ALDH9A1: variants seen among roughly 807,000 people sequenced by gnomAD.
The protein encoded by ALDH9A1 is aldehyde dehydrogenase 9 family member A1, also known as 4-trimethylaminobutyraldehyde dehydrogenase.
A neutral mutation model predicts 56.6 loss-of-function variants in ALDH9A1; 42 were observed. The ratio of observed to expected loss-of-function variants is 0.74; its 90% CI spans 0.58 to 0.96. The LOEUF (loss-of-function observed/expected upper bound fraction) is 0.96. Ranked by LOEUF, ALDH9A1 falls within the 40% of genes least tolerant of loss-of-function variation. The pLI, the probability that ALDH9A1 is intolerant of heterozygous loss-of-function variation, is 0.00. For missense variants in ALDH9A1, 661 were observed against 651.5 expected, an observed-to-expected ratio of 1.01 and a Z score of -0.16; for synonymous variants, 242 against 236.0, an observed-to-expected ratio of 1.03 and a Z score of -0.23.
At chr1:165,666,799 A>T (rs970265743) in intron 9 of ALDH9A1, among the ~76,000 whole-genome samples, 8 of 152,224 alleles carry the variant, frequency 5.3e-5, no homozygotes, top group Admixed American at 5.2e-4. Flanking sequence ...TTGTACTCCC[A>T]AATCATTTTT....
intron 2 of ALDH9A1, among the ~76,000 whole-genome samples, chr1:165,688,507 T>C (rs536356104): frequency 6.6e-6 from 1 of 152,160 alleles, no homozygotes; most frequent in Admixed American, 6.5e-5. Context: ...ACAGCAATAC[T>C]TTTTTTTAAA....
In ALDH9A1 at chr1:165,679,452, G is replaced by C; in HGVS notation, c.920C>G (p.Thr307Arg). ...GGGACAGGTACATACCTGGCCTTGT[G>C]TGAGGAAGTTGGCCATCAGCGCCCC... ...VKGALMANFLTQGQVCCNGTR... is the reference protein window; with the variant it reads ...VKGALMANFLRQGQVCCNGTR... The change falls in exon 6 of 11, where the codon ACA becomes AGA. Residue 307 changes from threonine to arginine, a missense_variant. Physicochemically the swap from Thr to Arg is moderately conservative, Grantham distance 71 (BLOSUM62 -1). Transcript: ENST00000354775. 6.2e-7 allele frequency: 1 copy of C among 1,614,136 alleles called. No individual in the cohort carries two copies. The highest frequency in any genetic ancestry group is 8.5e-7 in the Non-Finnish European group (1 of 1,179,996).
At chr1:165,694,380 A>G (rs1033520098) in intron 2 of ALDH9A1, among the ~76,000 whole-genome samples, 16 of 152,156 alleles carry the variant, frequency 1.1e-4, no homozygotes, top group Non-Finnish European at 2.2e-4. Context: ...ACTACACCAC[A>G]GAAACCCTTT....
intron 5 of ALDH9A1, 62 bp downstream of exon 5, chr1:165,680,425 T>G: frequency 6.4e-7 from 1 of 1,551,604 alleles, no homozygotes. Flanking sequence ...ATACTCTGGG[T>G]AGGACCGGAT....
intron 2 of ALDH9A1, among the ~76,000 whole-genome samples, chr1:165,686,602 C>T (rs1220735701): frequency 6.6e-6 from 1 of 151,732 alleles, no homozygotes; most frequent in Non-Finnish European, 1.5e-5. Flanking sequence ...CATTAACACC[C>T]GGATCACAGG....
intron 6 of ALDH9A1, among the ~76,000 whole-genome samples, chr1:165,672,475 A>G (rs1649209127): frequency 6.6e-6 from 1 of 152,176 alleles, no homozygotes; most frequent in African/African-American, 2.4e-5. Context: ...TAGAGACGGG[A>G]ATTAGACTAG....
chr1:165,688,543 C>A (rs10918244), intron 2 of ALDH9A1, among the ~76,000 whole-genome samples: 105,057 of 151,518 alleles, frequency 0.69, 36,711 homozygotes, highest in East Asian at 0.98. Flanking sequence ...CATGGCGTAA[C>A]CCCATCTCTA....
rs188649753 is a variant in ALDH9A1, at chr1:165,681,902, A to T, written c.592+205T>A. ...TAAAACCTGAGAATATCTAGACATGATTGTGTACAACCTTAACTATAAGCT... is the reference window on the plus strand; with the variant it reads ...TAAAACCTGAGAATATCTAGACATGTTTGTGTACAACCTTAACTATAAGCT... On this transcript the variant is annotated intron_variant, in intron 4 of 10. Coordinates refer to ENST00000354775, the MANE Select transcript of ALDH9A1 (RefSeq NM_000696.4). Among the ~76,000 whole-genome samples the T allele has an allele frequency of 2.5e-3, 377 of 152,296 alleles. 2 individuals are homozygous for T. The Middle Eastern group carries it at 0.027, about 11-fold the overall frequency.
At chr1:165,669,999 T>C (rs909231971) in intron 6 of ALDH9A1, among the ~76,000 whole-genome samples, 1 of 152,086 alleles carries the variant, frequency 6.6e-6, no homozygotes, top group Admixed American at 6.6e-5. Context: ...ATGATAAAAG[T>C]GAAAGCTAAA....
intron 4 of ALDH9A1, among the ~76,000 whole-genome samples, chr1:165,681,546 C>T (rs576509025): frequency 5.9e-5 from 9 of 152,268 alleles, no homozygotes; most frequent in African/African-American, 2.2e-4. Flanking sequence ...AACAGTAATG[C>T]TTTCTAACAT....
chr1:165,682,746 G>T, intron 3 of ALDH9A1: 1 of 457,864 alleles, frequency 2.2e-6, no homozygotes, highest in East Asian at 3.5e-5. Flanking sequence ...CAGGTATCAT[G>T]CTAGGTGCTT....
At chr1:165,675,976 GT>G (rs1446998564) in intron 6 of ALDH9A1, among the ~76,000 whole-genome samples, 1 of 152,190 alleles carries the variant, frequency 6.6e-6, no homozygotes, top group Non-Finnish European at 1.5e-5. Flanking sequence ...GATAAACATT[GT>G]GGATAATGGG....
chr1:165,683,787 T>C (rs763947692), intron 2 of ALDH9A1, among the ~76,000 whole-genome samples: 5 of 152,150 alleles, frequency 3.3e-5, no homozygotes, highest in South Asian at 2.1e-4. Flanking sequence ...AGAAATTCAA[T>C]AGATGGTCCA....
At chr1:165,678,105 G>A (rs974697479) in intron 6 of ALDH9A1, among the ~76,000 whole-genome samples, 6 of 152,126 alleles carry the variant, frequency 3.9e-5, no homozygotes, top group African/African-American at 9.6e-5. Flanking sequence ...GGAGGCCAAC[G>A]TGGGTGGATT....
chr1:165,679,301 A>T, intron 6 of ALDH9A1, 141 bp downstream of exon 6: 1 of 904,428 alleles, frequency 1.1e-6, no homozygotes, highest in Non-Finnish European at 1.6e-6. Flanking sequence ...ATCTGGTTCA[A>T]AGGTACATGG....
intron 6 of ALDH9A1, among the ~76,000 whole-genome samples, chr1:165,678,008 C>G (rs1164311398): frequency 2.6e-5 from 4 of 151,984 alleles, no homozygotes; most frequent in Non-Finnish European, 5.9e-5. Context: ...GCACTCCAGC[C>G]TGGGTGACAG....
chr1:165,673,730 A>C (rs541446085), intron 6 of ALDH9A1, among the ~76,000 whole-genome samples: 2 of 152,296 alleles, frequency 1.3e-5, no homozygotes, highest in East Asian at 3.9e-4. Context: ...CATTGCCCCT[A>C]TTCAGCATGA....
chr1:165,677,634 G>T (rs959651334), intron 6 of ALDH9A1, among the ~76,000 whole-genome samples: 2 of 152,142 alleles, frequency 1.3e-5, no homozygotes, highest in Non-Finnish European at 2.9e-5. Flanking sequence ...CAAGGCAGGT[G>T]TATCATGAGG....
At chr1:165,672,490 T>C (rs1216884210) in intron 6 of ALDH9A1, among the ~76,000 whole-genome samples, 1 of 152,172 alleles carries the variant, frequency 6.6e-6, no homozygotes. Flanking sequence ...GACTAGTGGT[T>C]ACCAGAGGCT....
Sources: gnomAD v4.1 joint callset for allele counts (sites outside exome capture counted in the v4.1 genomes callset) on GRCh38, gnomAD v4.1.1 for gene constraint, MANE v1.5 for transcripts, NCBI Gene and HGNC (gene_info 2026-07-23, HGNC 2026-07-21) for gene names.